The following MMP9 variants were observed in gnomAD, a reference collection of about 807,000 sequenced individuals.
The protein encoded by MMP9 is matrix metallopeptidase 9.
Under a neutral mutation model 76.4 loss-of-function variants are expected in MMP9, and 73 were observed. The observed-to-expected ratio is 0.96, with a 90% CI of 0.79 to 1.16. The LOEUF (loss-of-function observed/expected upper bound fraction) is 1.16. Among genes scored for constraint, MMP9 ranks in the 50% most tolerant of loss-of-function variants. The probability of loss-of-function intolerance (pLI) is 0.00; values close to 1 mark genes in which losing one functional copy is unlikely to be tolerated. For missense variants in MMP9, 943 were observed against 973.0 expected (o/e 0.97, Z 0.41); for synonymous variants, 412 against 408.4 (o/e 1.01, Z -0.11).
At position 46,010,508 on chromosome 20, in the gene MMP9, C is replaced by T. The variant is rs193209205; in HGVS notation, c.397C>T (p.Pro133Ser). ...GATCCAAAACTACTCGGAAGACTTG[C>T]CGCGGGCGGTGATTGACGACGCCTT... ...YWIQNYSEDLPRAVIDDAFAR... is the reference protein window; with the variant it reads ...YWIQNYSEDLSRAVIDDAFAR... The change falls in exon 3 of 13, where the codon CCG becomes TCG. Residue 133 changes from proline (P) to serine (S), a missense_variant. Physicochemically the swap from Pro to Ser is moderately conservative, Grantham distance 74 (BLOSUM62 -1). Transcript: ENST00000372330. The T allele has an allele frequency of 2.5e-5, 40 of 1,614,210 alleles. No homozygotes were observed. The Admixed American group carries it at 3.2e-4, about 13-fold the overall frequency.
In MMP9 at chr20:46,013,223, T is replaced by A; in HGVS notation, c.1331-32T>A. On this transcript the variant is annotated intron_variant, in intron 8 of 12. Transcript: ENST00000372330. This position sits in a 1 kb window ranked among gnomAD's most constrained non-coding sequence, Gnocchi z 4.5. ...CTAGGGGTACAGAGGTATGCAGGAA[T>A]AGGAAGAGTCTCACCCCGTGTCTCT... The A allele has an allele frequency of 6.2e-7, 1 of 1,613,722 alleles. No homozygotes were observed.
In MMP9 at chr20:46,013,168, T is replaced by G; in HGVS notation, c.1331-87T>G. The G allele has an allele frequency of 6.6e-7, 1 of 1,521,754 alleles. No individual in the cohort carries two copies. Among genetic ancestry groups the G allele is most frequent in the Non-Finnish European group, 9.1e-7 (1 of 1,097,698 alleles). The allele number at this position is 1,521,754 out of a possible 1,614,324, so 94.3% of individuals were successfully genotyped here. On this transcript the variant is annotated intron_variant, in intron 8 of 12. Coordinates refer to ENST00000372330, the MANE Select transcript of MMP9 (RefSeq NM_004994.3). The surrounding 1 kb of genome is among the most constrained non-coding windows in gnomAD (Gnocchi z 4.5). Reference sequence around the variant, plus strand: ...GAGGGGCCTGTGTGCCAGAGGAGGCTTCACTGAGAAGCTTAGGGGAGCAGA... The same window carrying G: ...GAGGGGCCTGTGTGCCAGAGGAGGCGTCACTGAGAAGCTTAGGGGAGCAGA...
At position 46,009,350 on chromosome 20, in the gene MMP9, A is replaced by T. The variant is rs1377660525; in HGVS notation, c.138+286A>T. 2.0e-5 allele frequency among the ~76,000 whole-genome samples: 3 copies of T among 152,108 alleles called. No individual in the cohort carries two copies. The South Asian group carries it at 6.2e-4, about 32-fold the overall frequency. On this transcript the variant is annotated intron_variant, in intron 1 of 12. Transcript: ENST00000372330. ...TGGGGTAAGCATAGGCTGGGAGTGA[A>T]CAGGGGCAAACCTTATGCAGCTGTG...
chr20:46,010,887 CG>C (rs775029841), intron 3 of MMP9, 34 bp from the exon 4 acceptor site: 3 of 1,614,202 alleles, frequency 1.9e-6, no homozygotes, highest in Non-Finnish European at 2.5e-6. Context: ...CAGCAGTACT[CG>C]GCTAACCCTC....
At position 46,014,149 on chromosome 20, in the gene MMP9, C is replaced by A. The variant is rs2145456381; in HGVS notation, c.1776C>A (p.Gly592=). 20 of 1,536,686 alleles carry A rather than the reference C, an allele frequency of 1.3e-5. No individual in the cohort carries two copies. Among genetic ancestry groups the A allele is most frequent in the Non-Finnish European group, 1.7e-5 (20 of 1,146,588 alleles). The part of the protein sequence containing the change: ...FSGRQVWVYT[G]ASVLGPRRLD... ...GGCGCCAGGTGTGGGTGTACACAGGCGCGTCGGTGCTGGGCCCGAGGCGTC... is the reference window on the plus strand; with the variant it reads ...GGCGCCAGGTGTGGGTGTACACAGGAGCGTCGGTGCTGGGCCCGAGGCGTC... Residue 592 remains glycine, a synonymous_variant, in exon 11 of 13, where the codon GGC becomes GGA. Transcript: ENST00000372330.
intron 2 of MMP9, 67 bp from the exon 3 acceptor site, chr20:46,010,416 G>A: frequency 6.4e-7 from 1 of 1,572,312 alleles, no homozygotes; most frequent in Non-Finnish European, 8.7e-7. Context: ...CTGCGATATG[G>A]GGTGTCCCTG....
rs2084273177 is a variant in MMP9, at chr20:46,010,699, C to A, written c.520+68C>A. On this transcript the variant is annotated intron_variant, in intron 3 of 12. Coordinates refer to ENST00000372330, the MANE Select transcript of MMP9 (RefSeq NM_004994.3). ...TCAGGGAAGGGAGGACCACGGAGAG[C>A]GTGGAGGCAGCAGTGGCCCCGGCTT... The A allele has an allele frequency of 1.9e-6, 3 of 1,564,328 alleles. 1 individual carries two copies. Among genetic ancestry groups the A allele is most frequent in the Non-Finnish European group, 2.6e-6 (3 of 1,153,420 alleles).
Position 46,014,234 on chromosome 20 carries a change from A to AG in MMP9, c.1866dup (p.Lys623GlufsTer65). 1 of 1,453,648 alleles carries AG rather than the reference A, an allele frequency of 6.9e-7. No homozygotes were observed. Among genetic ancestry groups the AG allele is most frequent in the Non-Finnish European group, 9.2e-7 (1 of 1,091,978 alleles). 90.0% of individuals were successfully genotyped at this position (1,453,648 alleles called of 1,614,324 possible). On this transcript the variant is annotated frameshift_variant, in exon 11 of 13. Transcript: ENST00000372330. LOFTEE classifies it high-confidence loss of function. ...GGTGACCGGGGCCCTCCGGAGTGGCAGGGGGAAGATGCTGCTGTTCAGCGG... is the reference window on the plus strand; with the variant it reads ...GGTGACCGGGGCCCTCCGGAGTGGCAGGGGGGAAGATGCTGCTGTTCAGCGG...
chr20:46,011,902 A>G (rs572821882), intron 6 of MMP9, among the ~76,000 whole-genome samples, 155 bp downstream of exon 6: 1 of 151,812 alleles, frequency 6.6e-6, no homozygotes, highest in Non-Finnish European at 1.5e-5. Context: ...TTCCACCACT[A>G]TCCCTGACTT....
At chr20:46,015,090 T>G (rs1486181038) in intron 12 of MMP9, among the ~76,000 whole-genome samples, 2 of 151,974 alleles carry the variant, frequency 1.3e-5, no homozygotes, top group African/African-American at 4.8e-5. Flanking sequence ...GGGGTAGGAG[T>G]GAAGGGCAAT....
At chr20:46,014,622 TC>T in intron 12 of MMP9, 148 bp downstream of exon 12, 1 of 861,178 alleles carries the variant, frequency 1.2e-6, no homozygotes, top group South Asian at 1.5e-5. Flanking sequence ...AGAGGCCTTC[TC>T]CAGGTCATTT....
rs1370233833 is a variant in MMP9, at chr20:46,013,488, G to C, written c.1564G>C (p.Asp522His). Residue 522 changes from aspartate (D) to histidine (H), a missense_variant, in exon 9 of 13, where the codon GAC becomes CAC. Physicochemically the swap from Asp to His is moderately conservative, Grantham distance 81. Coordinates refer to ENST00000372330, the MANE Select transcript of MMP9 (RefSeq NM_004994.3). This position sits in a 1 kb window ranked among gnomAD's most constrained non-coding sequence, Gnocchi z 4.5. ...CGATGCCTGCAACGTGAACATCTTC[G>C]ACGCCATCGCGGAGATTGGGAACCA... The part of the protein sequence containing the change: ...VDDACNVNIF[D>H]AIAEIGNQLY... The C allele has an allele frequency of 1.9e-6, 3 of 1,614,104 alleles. No individual in the cohort carries two copies. Among genetic ancestry groups the C allele is most frequent in the Non-Finnish European group, 2.5e-6 (3 of 1,180,024 alleles).
At chr20:46,012,695 G>A (rs1265593892) in intron 8 of MMP9, 113 bp downstream of exon 8, 4 of 1,462,800 alleles carry the variant, frequency 2.7e-6, no homozygotes, top group Non-Finnish European at 3.7e-6. Flanking sequence ...GGAGAGGTGG[G>A]ACCTCAACGT....
At position 46,013,544 on chromosome 20, in the gene MMP9, C is replaced by G; in HGVS notation, c.1610+10C>G. The G allele has an allele frequency of 6.2e-7, 1 of 1,613,320 alleles. No homozygotes were observed. The highest frequency in any genetic ancestry group is 8.5e-7 in the Non-Finnish European group (1 of 1,179,526). On this transcript the variant is annotated intron_variant, in intron 9 of 12. Coordinates refer to ENST00000372330, the MANE Select transcript of MMP9 (RefSeq NM_004994.3). This position sits in a 1 kb window ranked among gnomAD's most constrained non-coding sequence, Gnocchi z 4.5. Reference sequence around the variant, plus strand: ...ATTTGTTCAAGGATGGGTGAGGAGGCGGGGTTGTGTGGATGCGGGAGGGGG... The same window carrying G: ...ATTTGTTCAAGGATGGGTGAGGAGGGGGGGTTGTGTGGATGCGGGAGGGGG...
In MMP9 at chr20:46,012,508, T is replaced by G. The variant is rs774355160; in HGVS notation, c.1256T>G (p.Met419Arg). The G allele has an allele frequency of 5.6e-6, 9 of 1,614,216 alleles. No homozygotes were observed. The highest frequency in any genetic ancestry group is 7.6e-6 in the Non-Finnish European group (9 of 1,180,034). ...CATTCCTCAGTGCCGGAGGCGCTCA[T>G]GTACCCTATGTACCGCTTCACTGAG... Reference protein sequence around the residue: ...LDHSSVPEALMYPMYRFTEGP... With the variant: ...LDHSSVPEALRYPMYRFTEGP... The change falls in exon 8 of 13, where the codon ATG becomes AGG. Residue 419 changes from methionine (M) to arginine (R), a missense_variant. By Grantham distance (91) the Met-to-Arg change is moderately conservative. Coordinates refer to ENST00000372330, the MANE Select transcript of MMP9 (RefSeq NM_004994.3).
At position 46,010,016 on chromosome 20, in the gene MMP9, C is replaced by T; in HGVS notation, c.289C>T (p.Pro97Ser). 1 of 1,551,654 alleles carries T rather than the reference C, an allele frequency of 6.4e-7. No homozygotes were observed. ...CGCCACGCTGAAGGCCATGCGAACCCCACGGTGCGGGGTCCCAGACCTGGG... is the reference window on the plus strand; with the variant it reads ...CGCCACGCTGAAGGCCATGCGAACCTCACGGTGCGGGGTCCCAGACCTGGG... ...DSATLKAMRT[P>S]RCGVPDLGRF... is the part of the protein sequence containing the mutation. The change falls in exon 2 of 13, where the codon CCA (proline) becomes TCA (serine). Residue 97 changes from proline (P) to serine (S), a missense_variant. Transcript: ENST00000372330.
rs1420799907 is a variant in MMP9, at chr20:46,012,310, C to G, written c.1171C>G (p.Gln391Glu). 1 of 1,613,256 alleles carries G rather than the reference C, an allele frequency of 6.2e-7. No individual in the cohort carries two copies. The highest frequency in any genetic ancestry group is 1.7e-5 in the Admixed American group (1 of 60,026). Residue 391 changes from glutamine to glutamate, a missense_variant, in exon 7 of 13, where the codon CAA becomes GAA. Transcript: ENST00000372330. ...SDKKWGFCPD[Q>E]GYSLFLVAAH... ...CAAGAAGTGGGGCTTCTGCCCGGAC[C>G]AAGGTAGGCGTGGTCCCGCGGCTCC...
At chr20:46,011,895 C>G in intron 6 of MMP9, 148 bp downstream of exon 6, 1 of 1,116,904 alleles carries the variant, frequency 9.0e-7, no homozygotes, top group Non-Finnish European at 1.3e-6. Context: ...ACCACATTTC[C>G]ACCACTATCC....
chr20:46,015,223 G>A (rs1214518006), intron 12 of MMP9, among the ~76,000 whole-genome samples: 1 of 152,016 alleles, frequency 6.6e-6, no homozygotes, highest in Non-Finnish European at 1.5e-5. Context: ...ACCCACACTG[G>A]CTGCTCTTTG....
Sources: allele counts gnomAD v4.1 joint callset (sites outside exome capture counted in the v4.1 genomes callset), GRCh38; gene constraint gnomAD v4.1.1; non-coding constraint Gnocchi (gnomAD v3.1); transcripts MANE v1.5; gene names NCBI Gene and HGNC (gene_info 2026-07-23, HGNC 2026-07-21).